Variants in FNTB observed in about 807,000 individuals in gnomAD.
FNTB encodes farnesyltransferase, CAAX box, subunit beta.
FNTB carries 27 observed loss-of-function variants against 59.4 expected under a neutral mutation model. That is an observed-to-expected ratio of 0.45 (90% CI 0.34 to 0.63). FNTB has a LOEUF of 0.63. Among genes scored for constraint, FNTB ranks in the 20% least tolerant of loss-of-function variants. FNTB has a pLI of 0.02. For missense variants in FNTB, 449 were observed against 559.6 expected (o/e 0.80, Z 1.99); for synonymous variants, 230 against 220.7 (o/e 1.04, Z -0.37).
In FNTB at chr14:65,010,033, T is replaced by A. The variant is rs182243166; in HGVS notation, c.210-2284T>A. Reference sequence around the variant, plus strand: ...AAGAGAAACTGAGTCTGGCCTTCTCTTGTTTACAATTTGCCTTCACCTCTG... The same window carrying A: ...AAGAGAAACTGAGTCTGGCCTTCTCATGTTTACAATTTGCCTTCACCTCTG... On this transcript the variant is annotated intron_variant, in intron 2 of 11. Coordinates refer to ENST00000246166, the MANE Select transcript of FNTB (RefSeq NM_002028.4). 1.4e-4 allele frequency among the ~76,000 whole-genome samples: 21 copies of A among 152,268 alleles called. No individual in the cohort carries two copies. The East Asian group carries it at 3.9e-3, about 28-fold the overall frequency.
At position 65,042,467 on chromosome 14, in the gene FNTB, A is replaced by G. The variant is rs551283678; in HGVS notation, c.822+1548A>G. 5.3e-5 allele frequency among the ~76,000 whole-genome samples: 8 copies of G among 152,298 alleles called. No individual in the cohort carries two copies. The East Asian group carries it at 7.7e-4, about 15-fold the overall frequency. On this transcript the variant is annotated intron_variant, in intron 8 of 11. Coordinates refer to ENST00000246166, the MANE Select transcript of FNTB (RefSeq NM_002028.4). ...GGTTCACAGTAGGGTTTGCGCTCCT[A>G]TGAGAATCTAATGCTGCTGCTGATC...
At chr14:64,996,355 G>T (rs1888396607) in intron 1 of FNTB, among the ~76,000 whole-genome samples, 1 of 152,152 alleles carries the variant, frequency 6.6e-6, no homozygotes, top group South Asian at 2.1e-4. Context: ...CATCTAGCCT[G>T]TGCCCTGTCA....
At chr14:65,033,117 C>T (rs753882215) in intron 7 of FNTB, among the ~76,000 whole-genome samples, 37 of 151,868 alleles carry the variant, frequency 2.4e-4, no homozygotes, top group Admixed American at 3.9e-4. Context: ...CTCATAAGCA[C>T]GAGATGGGTA....
At chr14:65,016,998 C>T (rs1051779702) in intron 4 of FNTB, among the ~76,000 whole-genome samples, 5 of 146,950 alleles carry the variant, frequency 3.4e-5, no homozygotes, top group South Asian at 2.2e-4. Context: ...TCTCAGCTCA[C>T]TGCTGCCTCT....
At chr14:65,057,086 G>A (rs981689185) in intron 11 of FNTB, among the ~76,000 whole-genome samples, 1 of 152,096 alleles carries the variant, frequency 6.6e-6, no homozygotes. Flanking sequence ...GAGAGCTCAC[G>A]CACTACTGCA....
Position 64,994,191 on chromosome 14 carries a change from C to T in FNTB, c.144+7094C>T, listed in dbSNP as rs1888311042. On this transcript the variant is annotated intron_variant, in intron 1 of 11. Transcript: ENST00000246166. The surrounding 1 kb of genome is among the most constrained non-coding windows in gnomAD (Gnocchi z 4.2). ...TTTCTATTGATTAAATGAAAAACTC[C>T]ATGAAATACCTTTTAAACAGAGCTG... 6.6e-6 allele frequency among the ~76,000 whole-genome samples: 1 copy of T among 152,152 alleles called. No individual in the cohort carries two copies. Among genetic ancestry groups the T allele is most frequent in the Admixed American group, 6.5e-5 (1 of 15,276 alleles).
chr14:65,022,114 A>G, intron 4 of FNTB: 1 of 455,038 alleles, frequency 2.2e-6, no homozygotes, highest in Non-Finnish European at 4.4e-6. Context: ...GTCATATTCT[A>G]CCTAGGGAAG....
intron 1 of FNTB, among the ~76,000 whole-genome samples, chr14:65,000,838 A>AAAAAAAAAAAAAG (rs778200008): frequency 1.6e-4 from 19 of 116,074 alleles, no homozygotes; most frequent in Middle Eastern, 4.3e-3. Context: ...AAAAAAAAAA[A>AAAAAAAAAAAAAG]AAAGAATAGT....
chr14:65,015,410 CTTTTTTTTTTTTTTT>C, intron 3 of FNTB, 200 bp from the exon 4 acceptor site: 2 of 155,204 alleles, frequency 1.3e-5, no homozygotes, highest in African/African-American at 6.1e-5. Context: ...GCCTTGTTAT[CTTTTTTTTTTTTTTT>C]TTTTTTTTTA....
Position 65,012,168 on chromosome 14 carries a change from A to T in FNTB, c.210-149A>T. Reference sequence around the variant, plus strand: ...TTTCTCTGGTTTAGTTGCTCTTTGGAACCAGAGAAGTTGCTGGTTATCCAG... The same window carrying T: ...TTTCTCTGGTTTAGTTGCTCTTTGGTACCAGAGAAGTTGCTGGTTATCCAG... On this transcript the variant is annotated intron_variant, in intron 2 of 11. Coordinates refer to ENST00000246166, the MANE Select transcript of FNTB (RefSeq NM_002028.4). This position sits in a 1 kb window ranked among gnomAD's most constrained non-coding sequence, Gnocchi z 5.0. 1.1e-6 allele frequency: 1 copy of T among 873,432 alleles called. No individual in the cohort carries two copies. Among genetic ancestry groups the T allele is most frequent in the Non-Finnish European group, 1.8e-6 (1 of 566,084 alleles). The allele number at this position is 873,432 out of a possible 1,614,324, so 54.1% of individuals were successfully genotyped here. A position where few individuals can be genotyped will look rare whatever the true frequency, so the allele number is the denominator to read the frequency against.
intron 7 of FNTB, among the ~76,000 whole-genome samples, chr14:65,035,185 G>T (rs890923230): frequency 3.3e-5 from 5 of 152,206 alleles, no homozygotes; most frequent in Non-Finnish European, 5.9e-5. Context: ...AGTGTTGGCT[G>T]CCCGCCCTGA....
intron 4 of FNTB, among the ~76,000 whole-genome samples, chr14:65,024,341 AC>A (rs941430237): frequency 4.6e-5 from 7 of 151,878 alleles, no homozygotes; most frequent in African/African-American, 1.5e-4. Flanking sequence ...TTTTTAAAAC[AC>A]CCCCCAAGTA....
Position 65,010,274 on chromosome 14 carries a change from C to T in FNTB, c.210-2043C>T, listed in dbSNP as rs148050686. Reference sequence around the variant, plus strand: ...TCCAAACCCTTAGAGATGGGTCTTCCCACAGTTTTGTTTCCAAACTTCTCT... The same window carrying T: ...TCCAAACCCTTAGAGATGGGTCTTCTCACAGTTTTGTTTCCAAACTTCTCT... On this transcript the variant is annotated intron_variant, in intron 2 of 11. Coordinates refer to ENST00000246166, the MANE Select transcript of FNTB (RefSeq NM_002028.4). Among the ~76,000 whole-genome samples, 5 of 152,352 alleles carry T rather than the reference C, an allele frequency of 3.3e-5. No homozygotes were observed. The East Asian group carries it at 5.8e-4, about 18-fold the overall frequency.
rs184490652 is a variant in FNTB at position 65,051,567 on chromosome 14, T to A, written c.956-1671T>A. Among the ~76,000 whole-genome samples the A allele has an allele frequency of 6.1e-3, 921 of 151,388 alleles. 11 individuals are homozygous for A. The highest frequency in any genetic ancestry group is 0.021 in the African/African-American group (871 of 41,256). ...CGGAGGTTGCAGTGAGCCGAGATCGTGCCATTGCCCTCCAACCTGGGCAAC... is the reference window on the plus strand; with the variant it reads ...CGGAGGTTGCAGTGAGCCGAGATCGAGCCATTGCCCTCCAACCTGGGCAAC... On this transcript the variant is annotated intron_variant, in intron 9 of 11. Transcript: ENST00000246166.
In FNTB at chr14:65,027,802, G is replaced by T. The variant is rs772983193; in HGVS notation, c.605+21G>T. 6.2e-7 allele frequency: 1 copy of T among 1,613,752 alleles called. No homozygotes were observed. The highest frequency in any genetic ancestry group is 1.1e-5 in the South Asian group (1 of 91,040). ...GTGAGGTGAGTGGGGTTTTGCACAGGCTGCCACATCAGTTGACTCTAGAGC... is the reference window on the plus strand; with the variant it reads ...GTGAGGTGAGTGGGGTTTTGCACAGTCTGCCACATCAGTTGACTCTAGAGC... On this transcript the variant is annotated intron_variant, in intron 6 of 11. Coordinates refer to ENST00000246166, the MANE Select transcript of FNTB (RefSeq NM_002028.4). The surrounding 1 kb of genome is among the most constrained non-coding windows in gnomAD (Gnocchi z 5.7).
intron 3 of FNTB, among the ~76,000 whole-genome samples, chr14:65,013,611 A>G (rs938606755): frequency 4.6e-5 from 7 of 152,194 alleles, no homozygotes; most frequent in African/African-American, 1.7e-4. Flanking sequence ...GTGCAGTGGC[A>G]TGATCGTGAG....
chr14:65,041,513 G>A (rs2062352662), intron 8 of FNTB, among the ~76,000 whole-genome samples: 1 of 152,180 alleles, frequency 6.6e-6, no homozygotes, highest in Admixed American at 6.5e-5. Flanking sequence ...ACGGCCACCA[G>A]GGAGAAGGCA....
rs553309786 is a variant in FNTB at position 65,035,712 on chromosome 14, T to A, written c.692+3016T>A. ...AACCAGCTAATGTTTAAAAAAAAAA[T>A]TTGTAGAGATGGGATCTGTCTGTGT... On this transcript the variant is annotated intron_variant, in intron 7 of 11. Transcript: ENST00000246166. Among the ~76,000 whole-genome samples the A allele has an allele frequency of 3.3e-5, 5 of 151,362 alleles. No homozygotes were observed. In the South Asian group the frequency reaches 6.3e-4, roughly 19 times the overall value.
In FNTB at chr14:64,994,837, A is replaced by G. The variant is rs1443537449; in HGVS notation, c.144+7740A>G. Among the ~76,000 whole-genome samples, 1 of 152,206 alleles carries G rather than the reference A, an allele frequency of 6.6e-6. No individual in the cohort carries two copies. Among genetic ancestry groups the G allele is most frequent in the East Asian group, 1.9e-4 (1 of 5,200 alleles). ...TATGAAAAATAAAAATAAACACGGTATGCTTAAGCTACACTAAATTTATTC... is the reference window on the plus strand; with the variant it reads ...TATGAAAAATAAAAATAAACACGGTGTGCTTAAGCTACACTAAATTTATTC... On this transcript the variant is annotated intron_variant, in intron 1 of 11. Transcript: ENST00000246166. The surrounding 1 kb of genome is among the most constrained non-coding windows in gnomAD (Gnocchi z 4.2).
Sources: gnomAD v4.1 joint callset for allele counts (sites outside exome capture counted in the v4.1 genomes callset) on GRCh38, gnomAD v4.1.1 for gene constraint, Gnocchi (gnomAD v3.1) non-coding constraint, MANE v1.5 for transcripts, NCBI Gene and HGNC (gene_info 2026-07-23, HGNC 2026-07-21) for gene names.